The following POLR2L variants were observed in gnomAD, a reference collection of about 807,000 sequenced individuals.
The protein encoded by POLR2L is RNA polymerase II, I and III subunit L.
POLR2L carries 7 observed loss-of-function variants against 6.8 expected under a neutral mutation model. That is an observed-to-expected ratio of 1.03 (90% CI 0.59 to 1.94). POLR2L has a LOEUF of 1.94. Ranked by LOEUF, POLR2L falls within the 30% of genes most tolerant of loss-of-function variation. The probability of loss-of-function intolerance (pLI) is 0.00; values close to 1 mark genes in which losing one functional copy is unlikely to be tolerated. For missense variants in POLR2L, 93 were observed against 86.7 expected, an observed-to-expected ratio of 1.07 and a Z score of -0.29; for synonymous variants, 59 against 39.8, an observed-to-expected ratio of 1.48 and a Z score of -1.82.
At position 840,023 on chromosome 11, in the gene POLR2L, A is replaced by T. The variant is rs35905666; in HGVS notation, c.*349T>A. 6,530 of 200,304 alleles carry T rather than the reference A, an allele frequency of 0.033. 152 individuals are homozygous for T. The highest frequency in any genetic ancestry group is 0.045 in the Non-Finnish European group (4,437 of 97,930). The allele number at this position is 200,304 out of a possible 1,614,324, so 12.4% of individuals were successfully genotyped here. ...CCTGAAGAACACCCAGAAGGAGGGAACCTCAAAGAGCCCCGAGATGGAAGG... is the reference window on the plus strand; with the variant it reads ...CCTGAAGAACACCCAGAAGGAGGGATCCTCAAAGAGCCCCGAGATGGAAGG... On this transcript the variant is annotated 3_prime_UTR_variant, in exon 2 of 2. Transcript: ENST00000322028.
intron 1 of POLR2L, 97 bp downstream of exon 1, chr11:842,317 C>T: frequency 1.2e-6 from 1 of 815,804 alleles, no homozygotes; most frequent in Non-Finnish European, 1.8e-6. Flanking sequence ...CAGCGCTGCG[C>T]CTCCCGCCCC....
intron 1 of POLR2L, among the ~76,000 whole-genome samples, 168 bp from the exon 2 acceptor site, chr11:840,648 G>A (rs1276700803): frequency 6.6e-6 from 1 of 152,216 alleles, no homozygotes; most frequent in Non-Finnish European, 1.5e-5. Context: ...GTATGATCCT[G>A]GCTGGAGTAA....
In POLR2L at chr11:840,419, C is replaced by G; in HGVS notation, c.157G>C (p.Val53Leu). The G allele has an allele frequency of 6.2e-7, 1 of 1,612,070 alleles. No homozygotes were observed. The highest frequency in any genetic ancestry group is 8.5e-7 in the Non-Finnish European group (1 of 1,179,600). ...YCCRRMLLAH[V>L]DLIEKLLNYA... ...TTGAGCAGCTTCTCGATCAGGTCCACGTGGGCCAGCAGCATCCGGCGGCAG... is the reference window on the plus strand; with the variant it reads ...TTGAGCAGCTTCTCGATCAGGTCCAGGTGGGCCAGCAGCATCCGGCGGCAG... Residue 53 changes from valine to leucine, a missense_variant, in exon 2 of 2, where the codon GTG becomes CTG. Transcript: ENST00000322028.
rs1846997526 is a variant in POLR2L, at chr11:842,365, GC to G, written c.95+48del. ...AGGGCGGACTCAGCCCCCAGCCCCG[GC>G]CCGCGCCCCACGGCGGACTCAGCCC... On this transcript the variant is annotated intron_variant, in intron 1 of 1. Transcript: ENST00000322028. 6 of 1,438,974 alleles carry G rather than the reference GC, an allele frequency of 4.2e-6. No homozygotes were observed. The African/African-American group carries it at 7.4e-5, about 18-fold the overall frequency. The allele number at this position is 1,438,974 out of a possible 1,614,324, so 89.1% of individuals were successfully genotyped here.
At chr11:841,672 G>C (rs1027166497) in intron 1 of POLR2L, among the ~76,000 whole-genome samples, 1 of 152,194 alleles carries the variant, frequency 6.6e-6, no homozygotes, top group Admixed American at 6.5e-5. Context: ...GTCGAGGCGG[G>C]TGGATCACCT....
Position 840,042 on chromosome 11 carries a change from T to G in POLR2L, c.*330A>C. The G allele has an allele frequency of 4.2e-6, 1 of 235,752 alleles. No homozygotes were observed. The highest frequency in any genetic ancestry group is 9.1e-5 in the East Asian group (1 of 11,012). 14.6% of individuals were successfully genotyped at this position (235,752 alleles called of 1,614,324 possible). A position where few individuals can be genotyped will look rare whatever the true frequency, so the allele number is the denominator to read the frequency against. Reference sequence around the variant, plus strand: ...GAGGGAACCTCAAAGAGCCCCGAGATGGAAGGCTCTCCTGGCAGCGCCTCC... The same window carrying G: ...GAGGGAACCTCAAAGAGCCCCGAGAGGGAAGGCTCTCCTGGCAGCGCCTCC... On this transcript the variant is annotated 3_prime_UTR_variant, in exon 2 of 2. Coordinates refer to ENST00000322028, the MANE Select transcript of POLR2L (RefSeq NM_021128.5).
At chr11:841,329 A>G (rs1301028255) in intron 1 of POLR2L, among the ~76,000 whole-genome samples, 1 of 152,228 alleles carries the variant, frequency 6.6e-6, no homozygotes, top group Non-Finnish European at 1.5e-5. Flanking sequence ...ACCAAGACTC[A>G]GGCACCGTGG....
intron 1 of POLR2L, among the ~76,000 whole-genome samples, chr11:841,218 A>G (rs907646308): frequency 2.0e-5 from 3 of 152,238 alleles, no homozygotes; most frequent in Non-Finnish European, 4.4e-5. Flanking sequence ...TCGTTTGTCC[A>G]GCAAGCTGCA....
intron 1 of POLR2L, 98 bp from the exon 2 acceptor site, chr11:840,578 ACC>A (rs34627090): frequency 3.9e-4 from 271 of 697,714 alleles, no homozygotes; most frequent in Non-Finnish European, 5.3e-4. Flanking sequence ...TGCTGGCCTC[ACC>A]CCCCCCGCCA....
chr11:841,382 C>T (rs1299094153), intron 1 of POLR2L, among the ~76,000 whole-genome samples: 1 of 152,162 alleles, frequency 6.6e-6, no homozygotes, highest in Non-Finnish European at 1.5e-5. Flanking sequence ...AAGACGCCTC[C>T]CCTACAAAGC....
In POLR2L at chr11:840,174, C is replaced by G; in HGVS notation, c.*198G>C. The G allele has an allele frequency of 1.9e-6, 1 of 531,230 alleles. No individual in the cohort carries two copies. The highest frequency in any genetic ancestry group is 3.3e-6 in the Non-Finnish European group (1 of 300,170). The allele number at this position is 531,230 out of a possible 1,614,324, so 32.9% of individuals were successfully genotyped here. A position where few individuals can be genotyped will look rare whatever the true frequency, so the allele number is the denominator to read the frequency against. ...TGAAAGCTGGGCCTAGACCTGGCTC[C>G]TGACATCCTAGTGAGGGCTGGGACC... On this transcript the variant is annotated 3_prime_UTR_variant, in exon 2 of 2. Coordinates refer to ENST00000322028, the MANE Select transcript of POLR2L (RefSeq NM_021128.5).
Position 840,098 on chromosome 11 carries a change from C to T in POLR2L, c.*274G>A, listed in dbSNP as rs1352657519. On this transcript the variant is annotated 3_prime_UTR_variant, in exon 2 of 2. Coordinates refer to ENST00000322028, the MANE Select transcript of POLR2L (RefSeq NM_021128.5). Reference sequence around the variant, plus strand: ...GGGTGCCTGTGGAACAGGCTGGCCCCAGGGCTAGGAGAGTTCATGGCCCAG... The same window carrying T: ...GGGTGCCTGTGGAACAGGCTGGCCCTAGGGCTAGGAGAGTTCATGGCCCAG... 8.6e-6 allele frequency: 3 copies of T among 349,466 alleles called. No individual in the cohort carries two copies. The highest frequency in any genetic ancestry group is 4.6e-5 in the Admixed American group (1 of 21,844). The allele number at this position is 349,466 out of a possible 1,614,324, so 21.6% of individuals were successfully genotyped here.
intron 1 of POLR2L, among the ~76,000 whole-genome samples, chr11:842,108 G>C (rs1213595887): frequency 1.3e-5 from 2 of 152,202 alleles, no homozygotes; most frequent in Non-Finnish European, 2.9e-5. Flanking sequence ...GGAATAGGGC[G>C]GAGGCCAAGG....
rs192698300 is a variant in POLR2L at position 840,619 on chromosome 11, C to A, written c.96-139G>T. ...GCAAGGCGAACAGATTCACCCGGCT[C>A]AGAAGCTGAGATCTAGCAGTATGAT... On this transcript the variant is annotated intron_variant, in intron 1 of 1. Transcript: ENST00000322028. The A allele has an allele frequency of 2.3e-4, 144 of 629,916 alleles. No homozygotes were observed. In the African/African-American group the frequency reaches 2.5e-3, roughly 11 times the overall value. 39.0% of individuals were successfully genotyped at this position (629,916 alleles called of 1,614,324 possible). A position where few individuals can be genotyped will look rare whatever the true frequency, so the allele number is the denominator to read the frequency against.
chr11:842,496 C>T lies in POLR2L; in HGVS notation c.13G>A (p.Val5Ile). Residue 5 changes from valine to isoleucine, a missense_variant, in exon 1 of 2, where the codon GTA becomes ATA. Coordinates refer to ENST00000322028, the MANE Select transcript of POLR2L (RefSeq NM_021128.5). The stretch of plus-strand genomic sequence containing the variant: ...ATCTTGCCACAAGTGAAGCAGCGTA[C>T]AGGGATGATCATGGCGGCGGCGCGT... MIIP[V>I]RCFTCGKIVG... 1.3e-6 allele frequency: 2 copies of T among 1,582,128 alleles called. No individual in the cohort carries two copies. Among genetic ancestry groups the T allele is most frequent in the Non-Finnish European group, 1.7e-6 (2 of 1,166,650 alleles).
chr11:840,832 T>C (rs1366613733), intron 1 of POLR2L, among the ~76,000 whole-genome samples: 1 of 152,166 alleles, frequency 6.6e-6, no homozygotes, highest in African/African-American at 2.4e-5. Flanking sequence ...AGCCACCTCA[T>C]CCAGCACTGG....
At chr11:841,960 C>T (rs921420896) in intron 1 of POLR2L, among the ~76,000 whole-genome samples, 1 of 152,252 alleles carries the variant, frequency 6.6e-6, no homozygotes, top group African/African-American at 2.4e-5. Flanking sequence ...GTTGTCCAGG[C>T]TGGTCTCGAC....
At chr11:840,576 T>TC (rs1447897617) in intron 1 of POLR2L, 96 bp from the exon 2 acceptor site, 8 of 735,762 alleles carry the variant, frequency 1.1e-5, no homozygotes, top group Admixed American at 2.8e-5. Flanking sequence ...CCTGCTGGCC[T>TC]CACCCCCCCC....
rs530890897 is a variant in POLR2L at position 840,279 on chromosome 11, T to C, written c.*93A>G. On this transcript the variant is annotated 3_prime_UTR_variant, in exon 2 of 2. Transcript: ENST00000322028. ...ATACACACACACTGCGGCCAGGCATTACGCCAGCTCCCGGATGCCTCAGCC... is the reference window on the plus strand; with the variant it reads ...ATACACACACACTGCGGCCAGGCATCACGCCAGCTCCCGGATGCCTCAGCC... 10 of 770,746 alleles carry C rather than the reference T, an allele frequency of 1.3e-5. No homozygotes were observed. The highest frequency in any genetic ancestry group is 1.0e-4 in the African/African-American group (6 of 58,098). 47.7% of individuals were successfully genotyped at this position (770,746 alleles called of 1,614,324 possible).
Sources: gnomAD v4.1 joint callset for allele counts (sites outside exome capture counted in the v4.1 genomes callset) on GRCh38, gnomAD v4.1.1 for gene constraint, MANE v1.5 for transcripts, NCBI Gene and HGNC (gene_info 2026-07-23, HGNC 2026-07-21) for gene names.